Variants in RADX observed in about 807,000 individuals in gnomAD.
RADX encodes the protein RPA-related protein RADX.
Under a neutral mutation model 61.6 loss-of-function variants are expected in RADX, and 36 were observed. That is an observed-to-expected ratio of 0.58 (90% confidence interval 0.45 to 0.77). RADX has a LOEUF of 0.77. Among genes scored for constraint, RADX ranks in the 30% least tolerant of loss-of-function variants. The pLI, the probability that RADX is intolerant of heterozygous loss-of-function variation, is 0.00. For missense variants in RADX, 497 were observed against 651.1 expected (o/e 0.76, Z 2.58); for synonymous variants, 272 against 237.9 (o/e 1.14, Z -1.32).
chrX:106,624,514 G>T (rs1414369204), intron 2 of RADX, among the ~76,000 whole-genome samples: 4 of 111,561 alleles, frequency 3.6e-5, no homozygotes, highest in Non-Finnish European at 7.5e-5. Flanking sequence ...TTACTCATCT[G>T]TAAAATATGG....
At chrX:106,671,402 A>G (rs1928356952) in intron 13 of RADX, among the ~76,000 whole-genome samples, 1 of 111,992 alleles carries the variant, frequency 8.9e-6, no homozygotes, top group Non-Finnish European at 1.9e-5. Context: ...GCTATTAACA[A>G]ACAGTACTGC....
At chrX:106,643,831 T>G (rs1443329285) in intron 10 of RADX, among the ~76,000 whole-genome samples, 4 of 111,854 alleles carry the variant, frequency 3.6e-5, no homozygotes, top group Non-Finnish European at 5.7e-5. Flanking sequence ...ATTGGTATTT[T>G]GGCAGGGATT....
At position 106,669,285 on chromosome X, in the gene RADX, G is replaced by T. The variant is rs1316743747; in HGVS notation, c.2392G>T (p.Asp798Tyr). Residue 798 changes from aspartate (D) to tyrosine (Y), a missense_variant, in exon 13 of 14, where the codon GAC (aspartate) becomes TAC (tyrosine). Physicochemically the swap from Asp to Tyr is radical, Grantham distance 160. Transcript: ENST00000372548. Reference sequence around the variant, plus strand: ...GAATTACAGCTGTGCATATCCACAGGACACAACTGGAAATGACCGATTGCC... The same window carrying T: ...GAATTACAGCTGTGCATATCCACAGTACACAACTGGAAATGACCGATTGCC... The part of the protein sequence containing the change: ...SMNYSCAYPQ[D>Y]TTGNDRLPGP... 8.3e-7 allele frequency: 1 copy of T among 1,202,635 alleles called. No homozygotes were observed. Among genetic ancestry groups the T allele is most frequent in the Non-Finnish European group, 1.1e-6 (1 of 890,344 alleles).
chrX:106,658,028 G>C (rs1402081465), intron 11 of RADX, among the ~76,000 whole-genome samples: 3 of 111,441 alleles, frequency 2.7e-5, no homozygotes, highest in East Asian at 5.6e-4. Flanking sequence ...TTAAAACAAG[G>C]TATGCCTTTA....
Position 106,662,136 on chromosome X carries a change from T to C in RADX, c.2100T>C (p.Arg700=), listed in dbSNP as rs778177187. 2 of 1,210,845 alleles carry C rather than the reference T, an allele frequency of 1.7e-6. No individual in the cohort carries two copies. Among genetic ancestry groups the C allele is most frequent in the East Asian group, 3.0e-5 (1 of 33,797 alleles). ...FGLIDHLHYS[R]VYPESIPRKF... ...TAATAGATCACCTACACTACAGCCGTGTTTATCCTGAAAGTATTCCACGGA... is the reference window on the plus strand; with the variant it reads ...TAATAGATCACCTACACTACAGCCGCGTTTATCCTGAAAGTATTCCACGGA... Residue 700 remains arginine (R), a synonymous_variant, in exon 12 of 14, where the codon CGT becomes CGC. Transcript: ENST00000372548.
In RADX at chrX:106,637,775, C is replaced by T; in HGVS notation, c.1424C>T (p.Pro475Leu). ...GVFITGHRGQ[P>L]YTYDAKVKNF... is the part of the protein sequence containing the mutation. ...CCGCGAGGAGGTCATAGAGGCCAGC[C>T]GTATACGTATGATGCCAAGGTAAAA... Residue 475 changes from proline (P) to leucine (L), a missense_variant, in exon 8 of 14, where the codon CCG (proline) becomes CTG (leucine). Transcript: ENST00000372548. 1 of 1,201,628 alleles carries T rather than the reference C, an allele frequency of 8.3e-7. No individual in the cohort carries two copies. The highest frequency in any genetic ancestry group is 1.1e-6 in the Non-Finnish European group (1 of 890,493).
At chrX:106,621,794 A>G (rs775567193) in intron 1 of RADX, among the ~76,000 whole-genome samples, 107 of 110,887 alleles carry the variant, frequency 9.6e-4, no homozygotes, top group Middle Eastern at 4.7e-3. Context: ...ATTTGGATAT[A>G]TAAAGGGAAG....
chrX:106,627,291 T>C (rs907317424), intron 3 of RADX, among the ~76,000 whole-genome samples: 3 of 111,790 alleles, frequency 2.7e-5, no homozygotes, highest in African/African-American at 9.8e-5. Flanking sequence ...TCTTTAAACA[T>C]TACCTGCATG....
chrX:106,655,814 G>A (rs1020659567), intron 11 of RADX, among the ~76,000 whole-genome samples: 1 of 112,026 alleles, frequency 8.9e-6, no homozygotes, highest in African/African-American at 3.2e-5. Context: ...GTGTGCATGT[G>A]TCTTTATAGC....
chrX:106,631,919 G>A (rs1402065007), intron 3 of RADX, among the ~76,000 whole-genome samples: 1 of 111,164 alleles, frequency 9.0e-6, no homozygotes, highest in East Asian at 2.8e-4. Context: ...TGTATCAATG[G>A]GAATTTTTAC....
intron 3 of RADX, among the ~76,000 whole-genome samples, chrX:106,631,574 T>A (rs1333639950): frequency 9.3e-6 from 1 of 107,456 alleles, no homozygotes; most frequent in Non-Finnish European, 1.9e-5. Context: ...CTGGACATGA[T>A]GATTCTAGCT....
At chrX:106,612,851 T>C (rs372959683) in intron 1 of RADX, 128 bp downstream of exon 1, 4 of 635,130 alleles carry the variant, frequency 6.3e-6, no homozygotes, top group African/African-American at 2.2e-5. Context: ...GGTAGACAAG[T>C]TTTCTTAAAT....
chrX:106,656,483 G>A (rs1416660625), intron 11 of RADX, among the ~76,000 whole-genome samples: 1 of 111,937 alleles, frequency 8.9e-6, no homozygotes, highest in African/African-American at 3.2e-5. Context: ...AAATTTCCAG[G>A]AGGTTTTCAG....
intron 1 of RADX, among the ~76,000 whole-genome samples, chrX:106,615,014 A>T (rs1926767506): frequency 9.0e-6 from 1 of 111,388 alleles, no homozygotes; most frequent in Non-Finnish European, 1.9e-5. Flanking sequence ...TCTGAAGGGT[A>T]ACACATATTG....
chrX:106,623,240 C>T (rs1488512256), intron 2 of RADX, among the ~76,000 whole-genome samples: 2 of 111,609 alleles, frequency 1.8e-5, no homozygotes, highest in Non-Finnish European at 3.8e-5. Flanking sequence ...CATTTCTCAA[C>T]ACAGTTAGCT....
chrX:106,655,580 G>T (rs924126107), intron 11 of RADX, among the ~76,000 whole-genome samples: 2 of 109,588 alleles, frequency 1.8e-5, no homozygotes, highest in Non-Finnish European at 3.8e-5. Context: ...CTATGAGTGA[G>T]AACATGCGGT....
intron 13 of RADX, among the ~76,000 whole-genome samples, chrX:106,675,891 G>T (rs1379956228): frequency 9.0e-6 from 1 of 111,383 alleles, no homozygotes; most frequent in Non-Finnish European, 1.9e-5. Flanking sequence ...TTTGCTGTGT[G>T]TCAACTACCA....
At chrX:106,626,162 G>A (rs911544285) in intron 3 of RADX, among the ~76,000 whole-genome samples, 1 of 111,224 alleles carries the variant, frequency 9.0e-6, no homozygotes, top group African/African-American at 3.3e-5. Flanking sequence ...TGTAAGAATT[G>A]TAGATTACAT....
intron 13 of RADX, among the ~76,000 whole-genome samples, chrX:106,676,630 T>A (rs1488261451): frequency 8.9e-6 from 1 of 112,603 alleles, no homozygotes; most frequent in African/African-American, 3.2e-5. Flanking sequence ...TGTGATGCAT[T>A]ATCTTAGCAG....
Sources: gnomAD v4.1 joint callset for allele counts (sites outside exome capture counted in the v4.1 genomes callset) on GRCh38, gnomAD v4.1.1 for gene constraint, MANE v1.5 for transcripts, NCBI Gene and HGNC (gene_info 2026-07-23, HGNC 2026-07-21) for gene names.